CEACAM16: variants seen among roughly 807,000 people sequenced by gnomAD.
CEACAM16 encodes cell adhesion molecule CEACAM16.
In CEACAM16, 30 loss-of-function variants were observed where a neutral mutation model predicts 39.4. The ratio of observed to expected loss-of-function variants is 0.76; its 90% CI spans 0.57 to 1.03. The LOEUF (loss-of-function observed/expected upper bound fraction) is 1.03, where lower values mean the gene tolerates loss of function less well. Among genes scored for constraint, CEACAM16 ranks in the 50% least tolerant of loss-of-function variants. CEACAM16 has a pLI of 0.00. For missense variants in CEACAM16, 521 were observed against 585.3 expected, an observed-to-expected ratio of 0.89 and a Z score of 1.13; for synonymous variants, 262 against 264.9, an observed-to-expected ratio of 0.99 and a Z score of 0.11.
chr19:44,709,142 G>A lies in CEACAM16; in HGVS notation c.1267+955G>A, dbSNP rs147301376. 3.0e-3 allele frequency among the ~76,000 whole-genome samples: 459 copies of A among 151,900 alleles called. 3 individuals carry two copies. The highest frequency in any genetic ancestry group is 0.01 in the African/African-American group (428 of 41,418). On this transcript the variant is annotated intron_variant, in intron 6 of 6. Coordinates refer to ENST00000587331, the MANE Select transcript of CEACAM16 (RefSeq NM_001039213.4). ...GGGAGCTCCCAGAGGCAGAGACCAC[G>A]TCTCCTTCATCAGACTGGGAGCTCC...
intron 2 of CEACAM16, among the ~76,000 whole-genome samples, chr19:44,702,603 C>A (rs1408434505): frequency 6.6e-6 from 1 of 152,274 alleles, no homozygotes; most frequent in Non-Finnish European, 1.5e-5. Flanking sequence ...GGGCTTGGGG[C>A]TGATCTGCTT....
Position 44,703,343 on chromosome 19 carries a change from C to T in CEACAM16, c.38-6C>T, listed in dbSNP as rs765438739. 6.2e-7 allele frequency: 1 copy of T among 1,606,232 alleles called. No individual in the cohort carries two copies. The highest frequency in any genetic ancestry group is 2.2e-5 in the East Asian group (1 of 44,708). Reference sequence around the variant, plus strand: ...TCATCCAACCCCTCTGACTCCTCTTCCTCAGCCACATTCCTGAATGTGGGG... The same window carrying T: ...TCATCCAACCCCTCTGACTCCTCTTTCTCAGCCACATTCCTGAATGTGGGG... On this transcript the variant is annotated splice_region_variant and splice_polypyrimidine_tract_variant and intron_variant, in intron 2 of 6. Transcript: ENST00000587331.
At chr19:44,706,794 G>A (rs770781796) in intron 5 of CEACAM16, among the ~76,000 whole-genome samples, 2 of 152,216 alleles carry the variant, frequency 1.3e-5, no homozygotes, top group East Asian at 1.9e-4. Flanking sequence ...TATGTGCAGG[G>A]AGTGGATACA....
At position 44,701,527 on chromosome 19, in the gene CEACAM16, C is replaced by T. The variant is rs1318672059; in HGVS notation, c.37+34C>T. ...GAATGGCACCCCCCAGCACCTCAGC[C>T]CCCCGAGGACCCCAGGGAGGGGAGG... On this transcript the variant is annotated intron_variant, in intron 2 of 6. Transcript: ENST00000587331. This position sits in a 1 kb window ranked among gnomAD's most constrained non-coding sequence, Gnocchi z 4.0. 2 of 1,550,540 alleles carry T rather than the reference C, an allele frequency of 1.3e-6. No homozygotes were observed. Among genetic ancestry groups the T allele is most frequent in the African/African-American group, 1.4e-5 (1 of 73,100 alleles).
At position 44,703,446 on chromosome 19, in the gene CEACAM16, G is replaced by A. The variant is rs372078341; in HGVS notation, c.135G>A (p.Ser45=). ...TCACGCTGGTCGTCCATGGGCTTTCGGGGGAACTGCTCGCCTACAGCTGGT... is the reference window on the plus strand; with the variant it reads ...TCACGCTGGTCGTCCATGGGCTTTCAGGGGAACTGCTCGCCTACAGCTGGT... ...DNVTLVVHGL[S]GELLAYSWYA... The change falls in exon 3 of 7, where the codon TCG becomes TCA. Residue 45 remains serine (S), a synonymous_variant. Transcript: ENST00000587331. 9.8e-5 allele frequency: 158 copies of A among 1,613,672 alleles called. No homozygotes were observed. The highest frequency in any genetic ancestry group is 1.6e-4 in the Middle Eastern group (1 of 6,074).
At chr19:44,706,007 A>G in intron 5 of CEACAM16, 139 bp downstream of exon 5, 1 of 1,051,164 alleles carries the variant, frequency 9.5e-7, no homozygotes, top group Non-Finnish European at 1.4e-6. Flanking sequence ...ACAAAGTGGC[A>G]TATCAGGCAG....
chr19:44,705,665 C>T lies in CEACAM16; in HGVS notation c.737C>T (p.Thr246Met), dbSNP rs950447123. The T allele has an allele frequency of 1.3e-5, 21 of 1,613,790 alleles. No individual in the cohort carries two copies. The highest frequency in any genetic ancestry group is 4.4e-5 in the South Asian group (4 of 91,070). ...TGCACCATCAAAGTTGACTTCAACA[C>T]GTCCCTCACCCTGTGGTGCGTGTCC... ...TGCTIKVDFN[T>M]SLTLWCVSRS... Residue 246 changes from threonine to methionine, a missense_variant, in exon 5 of 7, where the codon ACG becomes ATG. By Grantham distance (81) the Thr-to-Met change is moderately conservative. Coordinates refer to ENST00000587331, the MANE Select transcript of CEACAM16 (RefSeq NM_001039213.4).
chr19:44,703,393 C>G lies in CEACAM16; in HGVS notation c.82C>G (p.Pro28Ala), dbSNP rs746286359. The G allele has an allele frequency of 1.5e-5, 25 of 1,613,528 alleles. No homozygotes were observed. Among genetic ancestry groups the G allele is most frequent in the Non-Finnish European group, 2.0e-5 (24 of 1,179,868 alleles). ...GGCCGAGATCTCTATCACCCTGGAG[C>G]CTGCCCAGCCGAGCGAAGGGGACAA... The part of the protein sequence containing the change: ...VGAEISITLE[P>A]AQPSEGDNVT... Residue 28 changes from proline (P) to alanine (A), a missense_variant, in exon 3 of 7, where the codon CCT (proline) becomes GCT (alanine). Pro to Ala is a conservative substitution (Grantham distance 27). Coordinates refer to ENST00000587331, the MANE Select transcript of CEACAM16 (RefSeq NM_001039213.4).
At position 44,708,162 on chromosome 19, in the gene CEACAM16, A is replaced by G. The variant is rs1199176130; in HGVS notation, c.1242A>G (p.Thr414=). The part of the protein sequence containing the change: ...KTVTVQGKTE[T]LEVELQVAPL... ...TCACAGTGCAGGGCAAGACTGAGAC[A>G]CTGGAAGTGGAGCTGCAGGTGGCCC... The change falls in exon 6 of 7, where the codon ACA becomes ACG. Residue 414 remains threonine, a synonymous_variant. Transcript: ENST00000587331. The G allele has an allele frequency of 3.8e-6, 6 of 1,579,866 alleles. No individual in the cohort carries two copies. In the South Asian group the frequency reaches 5.7e-5, roughly 15 times the overall value.
chr19:44,704,187 G>A lies in CEACAM16; in HGVS notation c.552G>A (p.Arg184=), dbSNP rs1279685903. 1 of 1,570,742 alleles carries A rather than the reference G, an allele frequency of 6.4e-7. No homozygotes were observed. The highest frequency in any genetic ancestry group is 1.9e-5 in the Admixed American group (1 of 53,868). ...ALRLGLSPDG[R]VLARHGIRRE... Reference sequence around the variant, plus strand: ...GCCTGGGCCTGTCCCCTGACGGCCGGGTGCTGGCCAGGCATGGCATCCGCC... The same window carrying A: ...GCCTGGGCCTGTCCCCTGACGGCCGAGTGCTGGCCAGGCATGGCATCCGCC... The change falls in exon 4 of 7, where the codon CGG becomes CGA. Residue 184 remains arginine, a synonymous_variant. Transcript: ENST00000587331.
Position 44,705,698 on chromosome 19 carries a change from G to T in CEACAM16, c.770G>T (p.Cys257Phe). The T allele has an allele frequency of 1.2e-6, 2 of 1,613,964 alleles. No individual in the cohort carries two copies. Among genetic ancestry groups the T allele is most frequent in the South Asian group, 2.2e-5 (2 of 91,078 alleles). ...ACCCTGTGGTGCGTGTCCAGGTCCT[G>T]CCCAGAGCCCGAGTATGTGTGGACC... ...SLTLWCVSRS[C>F]PEPEYVWTFN... Residue 257 changes from cysteine (C) to phenylalanine (F), a missense_variant, in exon 5 of 7, where the codon TGC becomes TTC. Cys to Phe is a radical substitution (Grantham distance 205). Transcript: ENST00000587331.
At chr19:44,707,664 AAC>A (rs1233770594) in intron 5 of CEACAM16, among the ~76,000 whole-genome samples, 195 bp from the exon 6 acceptor site, 1 of 152,174 alleles carries the variant, frequency 6.6e-6, no homozygotes, top group Non-Finnish European at 1.5e-5. Flanking sequence ...TGATAGGGGA[AAC>A]ACAGACCCCA....
chr19:44,703,521 G>A lies in CEACAM16; in HGVS notation c.210G>A (p.Val70=). Residue 70 remains valine (V), a synonymous_variant, in exon 3 of 7, where the codon GTG becomes GTA. Transcript: ENST00000587331. ...CATACCTGGTGGCCAGCTACATCGT[G>A]AGCACAGGCGATGAGACTCCTGGCC... is the stretch of plus-strand genomic sequence containing the variant. ...SVSYLVASYI[V]STGDETPGPA... 6.2e-7 allele frequency: 1 copy of A among 1,613,632 alleles called. No homozygotes were observed. The highest frequency in any genetic ancestry group is 1.7e-4 in the Middle Eastern group (1 of 6,060).
Position 44,701,541 on chromosome 19 carries a change from AGGGAG to A in CEACAM16, c.37+58_37+62del. 6.6e-7 allele frequency: 1 copy of A among 1,525,556 alleles called. No individual in the cohort carries two copies. The allele number at this position is 1,525,556 out of a possible 1,614,324, so 94.5% of individuals were successfully genotyped here. ...AGCACCTCAGCCCCCCGAGGACCCC[AGGGAG>A]GGGAGGGGACCCCCAGTCTGAGAGA... On this transcript the variant is annotated intron_variant, in intron 2 of 6. Transcript: ENST00000587331. This position sits in a 1 kb window ranked among gnomAD's most constrained non-coding sequence, Gnocchi z 4.0.
At chr19:44,706,297 C>CACACACAT (rs1555772259) in intron 5 of CEACAM16, among the ~76,000 whole-genome samples, 5,711 of 125,142 alleles carry the variant, frequency 0.046, 144 homozygotes, top group South Asian at 0.063. Context: ...CACACACACA[C>CACACACAT]ACACACACAC....
chr19:44,705,503 C>G (rs1974428429), intron 4 of CEACAM16, 87 bp from the exon 5 acceptor site: 1 of 1,398,008 alleles, frequency 7.2e-7, no homozygotes, highest in Non-Finnish European at 9.6e-7. Context: ...TCCCAGGGAC[C>G]TAGCTTGGTG....
intron 3 of CEACAM16, 96 bp from the exon 4 acceptor site, chr19:44,703,922 C>A: frequency 7.2e-7 from 1 of 1,380,340 alleles, no homozygotes. Context: ...TGTGGGGGCC[C>A]AGCCACAATC....
In CEACAM16 at chr19:44,701,957, C is replaced by G. The variant is rs982805420; in HGVS notation, c.37+464C>G. Among the ~76,000 whole-genome samples the G allele has an allele frequency of 1.3e-5, 2 of 152,116 alleles. No individual in the cohort carries two copies. The highest frequency in any genetic ancestry group is 2.9e-5 in the Non-Finnish European group (2 of 68,020). On this transcript the variant is annotated intron_variant, in intron 2 of 6. Coordinates refer to ENST00000587331, the MANE Select transcript of CEACAM16 (RefSeq NM_001039213.4). The surrounding 1 kb of genome is among the most constrained non-coding windows in gnomAD (Gnocchi z 4.0). ...TCATTATAAGCAGCACCACATATGC[C>G]GTGTGCCCGGAGCTGTTCTGAGAGC...
intron 5 of CEACAM16, among the ~76,000 whole-genome samples, chr19:44,706,493 G>A (rs1974451918): frequency 6.6e-6 from 1 of 152,118 alleles, no homozygotes; most frequent in African/African-American, 2.4e-5. Context: ...TGAACATTAA[G>A]GCCTCATTAA....
Sources: gnomAD v4.1 joint callset for allele counts (sites outside exome capture counted in the v4.1 genomes callset) on GRCh38, gnomAD v4.1.1 for gene constraint, Gnocchi (gnomAD v3.1) non-coding constraint, MANE v1.5 for transcripts, NCBI Gene and HGNC (gene_info 2026-07-23, HGNC 2026-07-21) for gene names.